VLDLR: variants seen among roughly 807,000 people sequenced by gnomAD.
The protein encoded by VLDLR is very low density lipoprotein receptor, also known as very low-density lipoprotein receptor.
VLDLR carries 81 observed loss-of-function variants against 112.7 expected under a neutral mutation model. That is an observed-to-expected ratio of 0.72 (90% CI 0.60 to 0.86). The LOEUF (loss-of-function observed/expected upper bound fraction) is 0.86, where lower values mean the gene tolerates loss of function less well. VLDLR is among the 40% of genes least tolerant of loss of function. VLDLR has a pLI of 0.00. For synonymous variants in VLDLR, 436 were observed against 384.8 expected, an observed-to-expected ratio of 1.13 and a Z score of -1.56; for missense variants, 1,237 against 1,099.4, an observed-to-expected ratio of 1.13 and a Z score of -1.77.
In VLDLR at chr9:2,643,610, T is replaced by C. The variant is rs756269222; in HGVS notation, c.821-18T>C. On this transcript the variant is annotated intron_variant, in intron 5 of 18. Transcript: ENST00000382100. ...ACAATTTGCTGGCTTCATTCCATGG[T>C]GTTTCCTCCCTTTGTAGCCTCTCGA... 1 of 1,614,206 alleles carries C rather than the reference T, an allele frequency of 6.2e-7. No individual in the cohort carries two copies. Among genetic ancestry groups the C allele is most frequent in the Admixed American group, 1.7e-5 (1 of 60,028 alleles).
chr9:2,651,330 A>G lies in VLDLR; in HGVS notation c.2252-85A>G. ...TGTCTATTTTACCTGGTTTTAAAAT[A>G]ACCTTTTACATGGCTTGTCTGGACA... On this transcript the variant is annotated intron_variant, in intron 15 of 18. Transcript: ENST00000382100. The G allele has an allele frequency of 5.9e-6, 7 of 1,184,592 alleles. No individual in the cohort carries two copies. The South Asian group carries it at 6.4e-5, about 11-fold the overall frequency. The allele number at this position is 1,184,592 out of a possible 1,614,324, so 73.4% of individuals were successfully genotyped here. A position where few individuals can be genotyped will look rare whatever the true frequency, so the allele number is the denominator to read the frequency against.
intron 2 of VLDLR, among the ~76,000 whole-genome samples, chr9:2,639,607 G>A (rs1242342791): frequency 6.6e-6 from 1 of 152,176 alleles, no homozygotes; most frequent in Admixed American, 6.5e-5. Context: ...GTATCTCCGA[G>A]TTGTAAGATA....
At chr9:2,624,689 G>A (rs1817008548) in intron 1 of VLDLR, among the ~76,000 whole-genome samples, 1 of 152,234 alleles carries the variant, frequency 6.6e-6, no homozygotes, top group Non-Finnish European at 1.5e-5. Flanking sequence ...ACTGGTGGTA[G>A]TAATAGACCT....
intron 1 of VLDLR, among the ~76,000 whole-genome samples, chr9:2,622,848 C>T (rs1816888701): frequency 6.6e-6 from 1 of 152,110 alleles, no homozygotes. Flanking sequence ...CCGAGGGCAC[C>T]CGGACTGCGA....
Position 2,654,004 on chromosome 9 carries a change from C to T in VLDLR, c.*136C>T. On this transcript the variant is annotated 3_prime_UTR_variant, in exon 19 of 19. Transcript: ENST00000382100. ...TCAAGATACCTTTGCGTGGATCAAG[C>T]TTGTGTACTTGACCGTTTTTATATT... is the stretch of plus-strand genomic sequence containing the variant. 1.2e-6 allele frequency: 1 copy of T among 834,976 alleles called. No homozygotes were observed. Among genetic ancestry groups the T allele is most frequent in the Admixed American group, 2.1e-5 (1 of 47,744 alleles). 51.7% of individuals were successfully genotyped at this position (834,976 alleles called of 1,614,324 possible). A position where few individuals can be genotyped will look rare whatever the true frequency, so the allele number is the denominator to read the frequency against.
At chr9:2,646,846 C>T (rs916253811) in intron 11 of VLDLR, among the ~76,000 whole-genome samples, 9 of 152,102 alleles carry the variant, frequency 5.9e-5, no homozygotes, top group Non-Finnish European at 7.4e-5. Context: ...CCCTTTTGTC[C>T]ACCCAGTTTC....
Position 2,659,251 on chromosome 9 carries a change from T to A in VLDLR, c.*5383T>A, listed in dbSNP as rs1818717126. On this transcript the variant is annotated 3_prime_UTR_variant, in exon 19 of 19. Transcript: ENST00000382100. ...CTATGTGCTTACTGCCGTCTTCTCT[T>A]AGAAGGGGATGCAGTACTGTACAAA... 6.6e-6 allele frequency: 1 copy of A among 152,236 alleles called. No homozygotes were observed. The highest frequency in any genetic ancestry group is 6.5e-5 in the Admixed American group (1 of 15,288). The allele number at this position is 152,236 out of a possible 1,614,324, so 9.4% of individuals were successfully genotyped here.
Position 2,639,844 on chromosome 9 carries a change from A to C in VLDLR, c.203-15A>C, listed in dbSNP as rs1438589521. On this transcript the variant is annotated splice_polypyrimidine_tract_variant and intron_variant, in intron 2 of 18. Transcript: ENST00000382100. ...AAATGACTTCAACTTTAACCCTTCA[A>C]ATAAACGTTTGTAGTAAAGAAGACG... The C allele has an allele frequency of 1.9e-6, 3 of 1,614,100 alleles. No individual in the cohort carries two copies. Among genetic ancestry groups the C allele is most frequent in the Non-Finnish European group, 2.5e-6 (3 of 1,179,986 alleles).
chr9:2,641,435 C>T lies in VLDLR; in HGVS notation c.384C>T (p.Ile128=). The T allele has an allele frequency of 6.2e-7, 1 of 1,614,146 alleles. No homozygotes were observed. Among genetic ancestry groups the T allele is most frequent in the Middle Eastern group, 1.6e-4 (1 of 6,062 alleles). Residue 128 remains isoleucine, a synonymous_variant, in exon 4 of 19, where the codon ATC becomes ATT. Transcript: ENST00000382100. ...ISCGAHSTQC[I]PVSWRCDGEN... ...GTGGCGCCCATTCTACTCAGTGTAT[C>T]CCAGTGTCCTGGAGATGTGATGGTG...
chr9:2,635,649 T>G lies in VLDLR; in HGVS notation c.202+77T>G, dbSNP rs1817571577. 4 of 1,602,560 alleles carry G rather than the reference T, an allele frequency of 2.5e-6. No individual in the cohort carries two copies. The African/African-American group carries it at 5.4e-5, about 21-fold the overall frequency. On this transcript the variant is annotated intron_variant, in intron 2 of 18. Transcript: ENST00000382100. ...TTAGTCTGCAAATGTATTGAGATTC[T>G]GAAAATAAAATCCACTTCTAACAAT... is the stretch of plus-strand genomic sequence containing the variant.
At chr9:2,644,686 T>G in intron 7 of VLDLR, 48 bp from the exon 8 acceptor site, 2 of 1,613,326 alleles carry the variant, frequency 1.2e-6, no homozygotes, top group Non-Finnish European at 1.7e-6. Flanking sequence ...ATGTGAAAGA[T>G]ATTAATTGAA....
At chr9:2,634,247 A>G (rs1036401353) in intron 1 of VLDLR, among the ~76,000 whole-genome samples, 1 of 152,166 alleles carries the variant, frequency 6.6e-6, no homozygotes, top group African/African-American at 2.4e-5. Flanking sequence ...CAACTAGGGT[A>G]TTGTGCACGT....
intron 3 of VLDLR, 144 bp downstream of exon 3, chr9:2,640,125 T>A: frequency 7.6e-7 from 1 of 1,315,246 alleles, no homozygotes; most frequent in Non-Finnish European, 1.1e-6. Context: ...GGCAGTCAAA[T>A]CATTACCAGT....
intron 2 of VLDLR, among the ~76,000 whole-genome samples, chr9:2,637,634 G>GT (rs35164384): frequency 0.27 from 40,399 of 151,944 alleles, 6,315 homozygotes; most frequent in East Asian, 0.63. Flanking sequence ...TCCTCCTTAC[G>GT]TTTTCTAAGA....
intron 1 of VLDLR, among the ~76,000 whole-genome samples, chr9:2,633,416 G>C (rs1352140176): frequency 6.6e-6 from 1 of 152,078 alleles, no homozygotes. Context: ...TGAGTGCCTA[G>C]GAAATCTGTA....
At chr9:2,651,748 G>A in intron 16 of VLDLR, 126 bp from the exon 17 acceptor site, 1 of 1,051,768 alleles carries the variant, frequency 9.5e-7, no homozygotes, top group Admixed American at 1.9e-5. Context: ...GTTGTTCCTG[G>A]TGTTCAATTG....
Position 2,622,166 on chromosome 9 carries a change from GGC to G in VLDLR, c.-22_-21del, listed in dbSNP as rs1491207207. 575 of 1,403,264 alleles carry G rather than the reference GGC, an allele frequency of 4.1e-4. 3 individuals carry two copies. In the South Asian group the frequency reaches 4.4e-3, roughly 11 times the overall value. 86.9% of individuals were successfully genotyped at this position (1,403,264 alleles called of 1,614,324 possible). On this transcript the variant is annotated 5_prime_UTR_variant, in exon 1 of 19. Coordinates refer to ENST00000382100, the MANE Select transcript of VLDLR (RefSeq NM_003383.5). ...AGCGAACGGCGGCGGCGGCGGCGGC[GGC>G]GGCACCATCCAGGCGGGCACCATGG... is the stretch of plus-strand genomic sequence containing the variant.
intron 17 of VLDLR, among the ~76,000 whole-genome samples, chr9:2,652,227 A>C (rs924926669): frequency 1.3e-5 from 2 of 152,182 alleles, no homozygotes; most frequent in African/African-American, 4.8e-5. Context: ...ATCCCCTTTT[A>C]TAATAAGTCT....
chr9:2,638,624 C>A (rs1206331651), intron 2 of VLDLR, among the ~76,000 whole-genome samples: 1 of 152,228 alleles, frequency 6.6e-6, no homozygotes, highest in South Asian at 2.1e-4. Flanking sequence ...GTAGGATAAT[C>A]AAGCTGCCCG....
Sources: gnomAD v4.1 joint callset for allele counts (sites outside exome capture counted in the v4.1 genomes callset) on GRCh38, gnomAD v4.1.1 for gene constraint, MANE v1.5 for transcripts, NCBI Gene and HGNC (gene_info 2026-07-23, HGNC 2026-07-21) for gene names.